Variants in FRS2 observed in about 807,000 individuals in gnomAD.
The protein encoded by FRS2 is fibroblast growth factor receptor substrate 2, also known as FGFR signalling adaptor.
FRS2 carries 8 observed loss-of-function variants against 43.9 expected under a neutral mutation model. The observed-to-expected ratio is 0.18, with a 90% CI of 0.11 to 0.33. FRS2 has a LOEUF of 0.33. FRS2 is among the 10% of genes least tolerant of loss of function. FRS2 has a pLI of 1.00. For missense variants in FRS2, 534 were observed against 627.6 expected (o/e 0.85, Z 1.59); for synonymous variants, 219 against 220.3 (o/e 0.99, Z 0.05).
intron 7 of FRS2, 22 bp from the exon 8 acceptor site, chr12:69,572,095 TA>T: frequency 6.2e-7 from 1 of 1,606,798 alleles, no homozygotes; most frequent in Non-Finnish European, 8.5e-7. Context: ...CCCTTTTCCT[TA>T]AACCAATAAA....
intron 3 of FRS2, among the ~76,000 whole-genome samples, chr12:69,539,038 A>G (rs1593014508): frequency 6.6e-6 from 1 of 151,912 alleles, no homozygotes; most frequent in Non-Finnish European, 1.5e-5. Context: ...CCTTATCCTA[A>G]ATGCTTGGGA....
chr12:69,546,532 A>G (rs947937447), intron 3 of FRS2, among the ~76,000 whole-genome samples: 2 of 152,150 alleles, frequency 1.3e-5, no homozygotes, highest in Non-Finnish European at 2.9e-5. Flanking sequence ...TGCTGGGATT[A>G]CAAGCATGTG....
At chr12:69,480,679 T>G (rs1871276849) in intron 1 of FRS2, among the ~76,000 whole-genome samples, 1 of 152,236 alleles carries the variant, frequency 6.6e-6, no homozygotes, top group Admixed American at 6.5e-5. Flanking sequence ...TTTCTAGACA[T>G]TTTATTCAGT....
intron 1 of FRS2, among the ~76,000 whole-genome samples, chr12:69,475,938 A>G (rs1298776750): frequency 6.6e-6 from 1 of 152,182 alleles, no homozygotes; most frequent in Non-Finnish European, 1.5e-5. Flanking sequence ...TAGTTCTTTT[A>G]TGAAATAGTG....
In FRS2 at chr12:69,574,666, G is replaced by A. The variant is rs777150070; in HGVS notation, c.1238G>A (p.Arg413Gln). 1.7e-5 allele frequency: 28 copies of A among 1,613,970 alleles called. No individual in the cohort carries two copies. Among genetic ancestry groups the A allele is most frequent in the Middle Eastern group, 1.6e-4 (1 of 6,084 alleles). Residue 413 changes from arginine to glutamine, a missense_variant, in exon 9 of 9, where the codon CGG (arginine) becomes CAG (glutamine). Arg to Gln is a conservative substitution (Grantham distance 43). This residue lies in a region of FRS2 where 446 missense variants were observed against 494.2 expected (regional missense o/e 0.90). Coordinates refer to ENST00000549921, the MANE Select transcript of FRS2 (RefSeq NM_001278356.2). ...CACAAAATAGAATATTCAAGGCGTC[G>A]GGACTGTACACCAACAGTCTTTAAC... ...SAHKIEYSRR[R>Q]DCTPTVFNFD... is the part of the protein sequence containing the mutation.
chr12:69,525,044 GGAGTGCAC>G (rs1876069509), intron 1 of FRS2, among the ~76,000 whole-genome samples: 1 of 152,088 alleles, frequency 6.6e-6, no homozygotes, highest in Non-Finnish European at 1.5e-5. Context: ...AGGTTTGCTA[GGAGTGCAC>G]GAGTCTTCCT....
intron 1 of FRS2, among the ~76,000 whole-genome samples, chr12:69,493,936 G>A (rs1382976242): frequency 5.9e-5 from 9 of 151,694 alleles, no homozygotes; most frequent in South Asian, 2.1e-4. Context: ...ATATTCAATC[G>A]TGGCCTCAGC....
Position 69,470,390 on chromosome 12 carries a change from A to G in FRS2, c.-401A>G, listed in dbSNP as rs221070. The G allele has an allele frequency of 0.77, 305,435 of 398,398 alleles. 118,486 individuals are homozygous for G. The highest frequency in any genetic ancestry group is 0.93 in the East Asian group (26,124 of 28,046). The allele number at this position is 398,398 out of a possible 1,614,324, so 24.7% of individuals were successfully genotyped here. On this transcript the variant is annotated 5_prime_UTR_variant, in exon 1 of 9. Coordinates refer to ENST00000549921, the MANE Select transcript of FRS2 (RefSeq NM_001278356.2). Reference sequence around the variant, plus strand: ...CCGCTCCCCCGGAAGTGCTTTTCCAAGATTCGGGCCGGAGAGAGGCCTTGT... The same window carrying G: ...CCGCTCCCCCGGAAGTGCTTTTCCAGGATTCGGGCCGGAGAGAGGCCTTGT...
At chr12:69,511,871 T>G (rs1874489860) in intron 1 of FRS2, among the ~76,000 whole-genome samples, 1 of 152,232 alleles carries the variant, frequency 6.6e-6, no homozygotes, top group Non-Finnish European at 1.5e-5. Flanking sequence ...CAGTAAATAT[T>G]GGCTGCTCTT....
intron 3 of FRS2, among the ~76,000 whole-genome samples, chr12:69,550,572 G>C (rs533954760): frequency 6.6e-6 from 1 of 152,212 alleles, no homozygotes; most frequent in Non-Finnish European, 1.5e-5. Context: ...ATACCAGCCT[G>C]GGCGGTGGAG....
chr12:69,557,617 T>TGCGCGCGCGCGCGC (rs1377444472), intron 3 of FRS2, among the ~76,000 whole-genome samples: 2 of 117,040 alleles, frequency 1.7e-5, no homozygotes, highest in African/African-American at 7.9e-5. Context: ...TGTGTGTGTG[T>TGCGCGCGCGCGCGC]GTGCGCGCGC....
intron 4 of FRS2, among the ~76,000 whole-genome samples, chr12:69,564,393 T>A (rs924194913): frequency 6.6e-6 from 1 of 152,142 alleles, no homozygotes; most frequent in African/African-American, 2.4e-5. Context: ...GTTCTAATGT[T>A]TTACCTTCTC....
At chr12:69,484,957 C>G (rs1021941182) in intron 1 of FRS2, among the ~76,000 whole-genome samples, 2 of 151,956 alleles carry the variant, frequency 1.3e-5, no homozygotes, top group Non-Finnish European at 2.9e-5. Context: ...CAGAAGACAT[C>G]AAAACCTGCC....
chr12:69,479,386 GTTTCTTTTTTTTTTTTTT>G (rs897515217), intron 1 of FRS2, among the ~76,000 whole-genome samples: 6 of 122,358 alleles, frequency 4.9e-5, no homozygotes, highest in Admixed American at 1.7e-4. Context: ...TTAATCTGTT[GTTTCTTTTTTTTTTTTTT>G]TTTCTTTTTT....
intron 3 of FRS2, among the ~76,000 whole-genome samples, chr12:69,541,953 T>C (rs1035306942): frequency 6.6e-6 from 1 of 152,098 alleles, no homozygotes; most frequent in Non-Finnish European, 1.5e-5. Flanking sequence ...AAATTTTTTA[T>C]AATTTAAAGG....
chr12:69,556,001 T>C (rs1333582827), intron 3 of FRS2, among the ~76,000 whole-genome samples: 1 of 62,370 alleles, frequency 1.6e-5, no homozygotes, highest in African/African-American at 7.5e-5. Flanking sequence ...GATCAGTGTG[T>C]GTGTGGCGGG....
At chr12:69,544,173 A>C (rs554572) in intron 3 of FRS2, among the ~76,000 whole-genome samples, 1 of 151,652 alleles carries the variant, frequency 6.6e-6, no homozygotes, top group Non-Finnish European at 1.5e-5. Flanking sequence ...AATCATAAAC[A>C]TTGATGTAAA....
Position 69,570,521 on chromosome 12 carries a change from G to T in FRS2, c.253+4G>T, listed in dbSNP as rs1257928606. 1 of 1,573,922 alleles carries T rather than the reference G, an allele frequency of 6.4e-7. No individual in the cohort carries two copies. The highest frequency in any genetic ancestry group is 2.2e-5 in the East Asian group (1 of 44,600). On this transcript the variant is annotated splice_donor_region_variant and intron_variant, in intron 6 of 8. Transcript: ENST00000549921. ...CGAAGGTGTCAAACTGGACAAGGTA[G>T]AACCTTTGTTTTTTTTCCCAAATAT...
chr12:69,574,074 T>C lies in FRS2; in HGVS notation c.646T>C (p.Leu216=). The change falls in exon 9 of 9, where the codon TTG becomes CTG. Residue 216 remains leucine, a synonymous_variant. Coordinates refer to ENST00000549921, the MANE Select transcript of FRS2 (RefSeq NM_001278356.2). ...AAACCGCACAAGTGTGCATGTTCCATTGGAGGCGAGGGTTTCTAACGCTGA... is the reference window on the plus strand; with the variant it reads ...AAACCGCACAAGTGTGCATGTTCCACTGGAGGCGAGGGTTTCTAACGCTGA... ...RKNRTSVHVP[L]EARVSNAESS... The C allele has an allele frequency of 6.2e-7, 1 of 1,614,210 alleles. No individual in the cohort carries two copies. Among genetic ancestry groups the C allele is most frequent in the Non-Finnish European group, 8.5e-7 (1 of 1,180,022 alleles).
Sources: allele counts gnomAD v4.1 joint callset (sites outside exome capture counted in the v4.1 genomes callset), GRCh38; gene constraint gnomAD v4.1.1; regional missense constraint gnomAD v4.1.1; transcripts MANE v1.5; gene names NCBI Gene and HGNC (gene_info 2026-07-23, HGNC 2026-07-21).